The following DDX42 variants were observed in gnomAD, a reference collection of about 807,000 sequenced individuals.
DDX42 encodes the protein ATP-dependent RNA helicase DDX42.
Under a neutral mutation model 101.5 loss-of-function variants are expected in DDX42, and 22 were observed. That is an observed-to-expected ratio of 0.22 (90% CI 0.15 to 0.31). The LOEUF is 0.31. DDX42 is among the 10% of genes least tolerant of loss of function. The pLI is 1.00. For missense variants in DDX42, 849 were observed against 1,199.9 expected, an observed-to-expected ratio of 0.71 and a Z score of 4.32; for synonymous variants, 402 against 401.2, an observed-to-expected ratio of 1.00 and a Z score of -0.02.
At chr17:63,795,503 C>T (rs1436701874) in intron 3 of DDX42, among the ~76,000 whole-genome samples, 1 of 143,590 alleles carries the variant, frequency 7.0e-6, no homozygotes, top group Non-Finnish European at 1.5e-5. Flanking sequence ...GGCACCACAC[C>T]ACCACACTTG....
chr17:63,804,137 TA>T (rs1381511784), intron 6 of DDX42, among the ~76,000 whole-genome samples: 1 of 152,092 alleles, frequency 6.6e-6, no homozygotes, highest in African/African-American at 2.4e-5. Context: ...AGAATGCTTA[TA>T]TTTTTCTTAA....
chr17:63,815,655 C>T lies in DDX42; in HGVS notation c.1995C>T (p.Gly665=). Residue 665 remains glycine (G), a synonymous_variant, in exon 16 of 18, where the codon GGC becomes GGT. Transcript: ENST00000389924. ...GCCTAGGCTACAGGGAGCGGCCTGGCCTGGGCTCTGAGAACATGGTGAGTC... is the reference window on the plus strand; with the variant it reads ...GCCTAGGCTACAGGGAGCGGCCTGGTCTGGGCTCTGAGAACATGGTGAGTC... The part of the protein sequence containing the change: ...GGGLGYRERP[G]LGSENMDRGN... The T allele has an allele frequency of 6.2e-7, 1 of 1,613,560 alleles. No individual in the cohort carries two copies. Among genetic ancestry groups the T allele is most frequent in the Non-Finnish European group, 8.5e-7 (1 of 1,179,632 alleles).
chr17:63,774,305 C>T lies in DDX42; in HGVS notation c.-88C>T. On this transcript the variant is annotated 5_prime_UTR_variant, in exon 1 of 18. Transcript: ENST00000389924. ...GCGCGGCGGGACCGGGCCGGGACAG[C>T]GCGTACTTTGGGCTCCGGGATTCGC... 1 of 273,152 alleles carries T rather than the reference C, an allele frequency of 3.7e-6. No homozygotes were observed. The highest frequency in any genetic ancestry group is 1.0e-4 in the South Asian group (1 of 9,552). 16.9% of individuals were successfully genotyped at this position (273,152 alleles called of 1,614,324 possible). A position where few individuals can be genotyped will look rare whatever the true frequency, so the allele number is the denominator to read the frequency against.
chr17:63,818,285 C>T lies in DDX42; in HGVS notation c.2704C>T (p.Pro902Ser), dbSNP rs773939808. Residue 902 changes from proline (P) to serine (S), a missense_variant, in exon 18 of 18, where the codon CCC becomes TCC. By Grantham distance (74) the Pro-to-Ser change is moderately conservative. This residue lies in a region of DDX42 where 300 missense variants were observed against 304.9 expected (regional missense o/e 0.98). Coordinates refer to ENST00000389924, the MANE Select transcript of DDX42 (RefSeq NM_203499.3). ...GAGCAAGATGGAGCCCAAGATGGAA[C>T]CCAAAGTGGACAGCAGCAAGATGGA... Reference protein sequence around the residue: ...RESKMEPKMEPKVDSSKMDKV... With the variant: ...RESKMEPKMESKVDSSKMDKV... The T allele has an allele frequency of 2.5e-6, 4 of 1,614,118 alleles. No homozygotes were observed. The highest frequency in any genetic ancestry group is 3.4e-6 in the Non-Finnish European group (4 of 1,180,034).
intron 3 of DDX42, among the ~76,000 whole-genome samples, chr17:63,792,862 A>G (rs2218802): frequency 0.017 from 2,550 of 152,280 alleles, 68 homozygotes; most frequent in African/African-American, 0.058. Context: ...ATTAATATTC[A>G]ATCTAGCATT....
intron 6 of DDX42, among the ~76,000 whole-genome samples, chr17:63,802,097 A>G (rs781060604): frequency 1.2e-4 from 19 of 152,190 alleles, no homozygotes; most frequent in Non-Finnish European, 2.1e-4. Flanking sequence ...GTGATAAGTA[A>G]AACTGCTGAT....
chr17:63,786,763 C>T (rs1404520655), intron 1 of DDX42, among the ~76,000 whole-genome samples: 1 of 152,216 alleles, frequency 6.6e-6, no homozygotes, highest in South Asian at 2.1e-4. Context: ...CTGCAACCTC[C>T]GCCTCTCAGA....
chr17:63,790,605 A>G lies in DDX42; in HGVS notation c.222-1807A>G, dbSNP rs144321437. ...GCAAAACCCCATCTCTACTAAAAAT[A>G]CAAAAATTAGCTGGGTGTGGTGGCG... On this transcript the variant is annotated intron_variant, in intron 2 of 17. Coordinates refer to ENST00000389924, the MANE Select transcript of DDX42 (RefSeq NM_203499.3). 5.6e-4 allele frequency among the ~76,000 whole-genome samples: 86 copies of G among 152,302 alleles called. No individual in the cohort carries two copies. The East Asian group carries it at 0.015, about 26-fold the overall frequency.
chr17:63,810,651 G>A, intron 12 of DDX42, 91 bp downstream of exon 12: 1 of 1,292,954 alleles, frequency 7.7e-7, no homozygotes. Context: ...AAGTAAAAAT[G>A]ATCTTGTGTC....
At position 63,792,525 on chromosome 17, in the gene DDX42, A is replaced by G; in HGVS notation, c.335A>G (p.Asp112Gly). 6.2e-7 allele frequency: 1 copy of G among 1,613,750 alleles called. No individual in the cohort carries two copies. The change falls in exon 3 of 18, where the codon GAT becomes GGT. Residue 112 changes from aspartate (D) to glycine (G), a missense_variant. This residue lies in a region of DDX42 where 370 missense variants were observed against 608.8 expected (regional missense o/e 0.61). Transcript: ENST00000389924. Reference protein sequence around the residue: ...FHSKPVDSDSDDDPLEAFMAE... With the variant: ...FHSKPVDSDSGDDPLEAFMAE... ...TCCAAGCCAGTAGATTCTGACAGCG[A>G]TGATGATCCCTTGGAGGCATTCATG...
At position 63,818,007 on chromosome 17, in the gene DDX42, G is replaced by T. The variant is rs758750473; in HGVS notation, c.2426G>T (p.Arg809Ile). The change falls in exon 18 of 18, where the codon AGA becomes ATA. Residue 809 changes from arginine (R) to isoleucine (I), a missense_variant. By Grantham distance (97) the Arg-to-Ile change is moderately conservative. Transcript: ENST00000389924. ...GTGGSNGKRE[R>I]YTENRGSSRH... ...GGGGGCAGCAACGGGAAAAGAGAGA[G>T]ATATACTGAGAACCGGGGCAGCAGC... 2 of 1,614,164 alleles carry T rather than the reference G, an allele frequency of 1.2e-6. No individual in the cohort carries two copies. Among genetic ancestry groups the T allele is most frequent in the Non-Finnish European group, 1.7e-6 (2 of 1,180,038 alleles).
chr17:63,805,084 C>T lies in DDX42; in HGVS notation c.635C>T (p.Pro212Leu), dbSNP rs2039822198. 6.2e-7 allele frequency: 1 copy of T among 1,609,718 alleles called. No individual in the cohort carries two copies. Residue 212 changes from proline to leucine, a missense_variant, in exon 7 of 18, where the codon CCA becomes CTA. Pro to Leu is a moderately conservative substitution (Grantham distance 98). Coordinates refer to ENST00000389924, the MANE Select transcript of DDX42 (RefSeq NM_203499.3). ...TTGGACCTGCAGATTGACTATCCACCATTTGAAAAAAACTTTTACAATGAG... is the reference window on the plus strand; with the variant it reads ...TTGGACCTGCAGATTGACTATCCACTATTTGAAAAAAACTTTTACAATGAG... ...PIDHSEIDYP[P>L]FEKNFYNEHE...
chr17:63,783,408 T>C (rs772568175), intron 1 of DDX42, among the ~76,000 whole-genome samples: 2 of 152,240 alleles, frequency 1.3e-5, no homozygotes, highest in African/African-American at 2.4e-5. Flanking sequence ...CTCCTTGTTA[T>C]ACATTGTATA....
intron 1 of DDX42, among the ~76,000 whole-genome samples, chr17:63,783,638 G>A (rs1345968950): frequency 2.6e-5 from 4 of 152,164 alleles, no homozygotes; most frequent in East Asian, 1.9e-4. Flanking sequence ...TGAAGTTCAG[G>A]TAAATTAGTA....
At chr17:63,782,250 C>G (rs1481288909) in intron 1 of DDX42, among the ~76,000 whole-genome samples, 2 of 151,988 alleles carry the variant, frequency 1.3e-5, no homozygotes, top group Non-Finnish European at 2.9e-5. Context: ...TGCCCTCCAG[C>G]TCTGGGCGAC....
intron 10 of DDX42, 43 bp downstream of exon 10, chr17:63,808,991 G>A (rs1477698039): frequency 6.2e-7 from 1 of 1,600,562 alleles, no homozygotes; most frequent in Non-Finnish European, 8.5e-7. Context: ...GCCTCCCTCG[G>A]TATGGAAAAC....
In DDX42 at chr17:63,787,140, C is replaced by T; in HGVS notation, c.91C>T (p.Leu31Phe). 2 of 1,614,200 alleles carry T rather than the reference C, an allele frequency of 1.2e-6. No individual in the cohort carries two copies. The highest frequency in any genetic ancestry group is 1.7e-6 in the Non-Finnish European group (2 of 1,180,046). Residue 31 changes from leucine to phenylalanine, a missense_variant, in exon 2 of 18, where the codon CTC (leucine) becomes TTC (phenylalanine). This residue lies in a region of DDX42 where 92 missense variants were observed against 106.7 expected (regional missense o/e 0.86). Coordinates refer to ENST00000389924, the MANE Select transcript of DDX42 (RefSeq NM_203499.3). ...ISAGKKEEPKLPQQSHSAFGA... is the reference protein window; with the variant it reads ...ISAGKKEEPKFPQQSHSAFGA... ...TGCTGGGAAAAAGGAGGAACCCAAA[C>T]TCCCACAGCAGTCCCACAGTGCCTT...
intron 15 of DDX42, among the ~76,000 whole-genome samples, chr17:63,814,610 A>G (rs1264392218): frequency 6.6e-6 from 1 of 150,838 alleles, no homozygotes; most frequent in African/African-American, 2.4e-5. Flanking sequence ...CTACCTCTCA[A>G]GCACTTTATT....
At chr17:63,806,980 T>C (rs1259214435) in intron 8 of DDX42, among the ~76,000 whole-genome samples, 4 of 152,218 alleles carry the variant, frequency 2.6e-5, no homozygotes, top group Admixed American at 2.0e-4. Context: ...ACTGAAAGTT[T>C]TAGCTTCTTT....
Sources: allele counts gnomAD v4.1 joint callset (sites outside exome capture counted in the v4.1 genomes callset), GRCh38; gene constraint gnomAD v4.1.1; regional missense constraint gnomAD v4.1.1; transcripts MANE v1.5; gene names NCBI Gene and HGNC (gene_info 2026-07-23, HGNC 2026-07-21).